Variants in GRK5 observed in about 807,000 individuals in gnomAD.
GRK5 encodes the protein g protein-coupled receptor kinase GRK5.
Under a neutral mutation model 78.4 loss-of-function variants are expected in GRK5, and 40 were observed. The ratio of observed to expected loss-of-function variants is 0.51; its 90% CI spans 0.40 to 0.66. The LOEUF is 0.66. Ranked by LOEUF, GRK5 falls within the 30% of genes least tolerant of loss-of-function variation. The pLI is 0.00. For synonymous variants in GRK5, 289 were observed against 296.8 expected, an observed-to-expected ratio of 0.97 and a Z score of 0.27; for missense variants, 598 against 759.9, an observed-to-expected ratio of 0.79 and a Z score of 2.50.
intron 11 of GRK5, 122 bp downstream of exon 11, chr10:119,442,210 G>C (rs1853051947): frequency 5.0e-6 from 4 of 798,324 alleles, no homozygotes; most frequent in Non-Finnish European, 8.4e-6. Context: ...ATCACACACA[G>C]AGTCACAGTC....
chr10:119,269,984 T>C (rs1374399838), intron 1 of GRK5, among the ~76,000 whole-genome samples: 1 of 152,126 alleles, frequency 6.6e-6, no homozygotes, highest in Non-Finnish European at 1.5e-5. Flanking sequence ...CTTTGTCTGC[T>C]CCTCCAGCCT....
intron 9 of GRK5, 48 bp from the exon 10 acceptor site, chr10:119,439,683 A>G (rs1589811481): frequency 1.2e-6 from 2 of 1,601,210 alleles, no homozygotes; most frequent in Non-Finnish European, 8.6e-7. Context: ...AGTGTATCCT[A>G]CCTGCCCAGA....
chr10:119,269,827 C>T (rs2133671444), intron 1 of GRK5, among the ~76,000 whole-genome samples: 1 of 126,350 alleles, frequency 7.9e-6, no homozygotes, highest in Admixed American at 8.2e-5. Flanking sequence ...AGTGAGACTC[C>T]ATCTTAAAAA....
chr10:119,271,322 A>G lies in GRK5; in HGVS notation c.53-55194A>G, dbSNP rs528111269. Among the ~76,000 whole-genome samples, 2 of 152,330 alleles carry G rather than the reference A, an allele frequency of 1.3e-5. No individual in the cohort carries two copies. Among genetic ancestry groups the G allele is most frequent in the Non-Finnish European group, 2.9e-5 (2 of 68,028 alleles). The stretch of plus-strand genomic sequence containing the variant: ...GCTGCCAACACAATCAAGGGTCTGC[A>G]GGTTTGGGAACTCCAAGGCAGTTTC... On this transcript the variant is annotated intron_variant, in intron 1 of 15. Coordinates refer to ENST00000392870, the MANE Select transcript of GRK5 (RefSeq NM_005308.3). The surrounding 1 kb of genome is among the most constrained non-coding windows in gnomAD (Gnocchi z 4.1).
intron 3 of GRK5, among the ~76,000 whole-genome samples, chr10:119,385,434 C>G (rs1851779129): frequency 1.3e-5 from 2 of 151,984 alleles, no homozygotes; most frequent in South Asian, 4.2e-4. Flanking sequence ...CCATCTGTGA[C>G]TTAGGTTTTT....
intron 1 of GRK5, among the ~76,000 whole-genome samples, chr10:119,223,397 G>T (rs1848687676): frequency 6.6e-6 from 1 of 152,172 alleles, no homozygotes; most frequent in South Asian, 2.1e-4. Flanking sequence ...CTGGAACACA[G>T]GCCCTGCCTG....
chr10:119,322,358 T>C (rs1409496368), intron 1 of GRK5, among the ~76,000 whole-genome samples: 1 of 152,218 alleles, frequency 6.6e-6, no homozygotes, highest in Non-Finnish European at 1.5e-5. Context: ...TAGCTGCCAG[T>C]AGCACCTCTC....
At chr10:119,295,903 TACTC>T (rs1379424934) in intron 1 of GRK5, among the ~76,000 whole-genome samples, 1 of 152,044 alleles carries the variant, frequency 6.6e-6, no homozygotes, top group African/African-American at 2.4e-5. Context: ...CTAAAGAACT[TACTC>T]ATACCACCTG....
chr10:119,320,319 G>A (rs1205521949), intron 1 of GRK5, among the ~76,000 whole-genome samples: 6 of 152,368 alleles, frequency 3.9e-5, no homozygotes, highest in African/African-American at 1.4e-4. Flanking sequence ...TCAGCACAGG[G>A]GAGACTGATG....
In GRK5 at chr10:119,336,804, G is replaced by C. The variant is rs1342451636; in HGVS notation, c.148+10193G>C. 1.3e-5 allele frequency among the ~76,000 whole-genome samples: 2 copies of C among 152,316 alleles called. No homozygotes were observed. Among genetic ancestry groups the C allele is most frequent in the East Asian group, 1.9e-4 (1 of 5,172 alleles). On this transcript the variant is annotated intron_variant, in intron 2 of 15. Transcript: ENST00000392870. The surrounding 1 kb of genome is among the most constrained non-coding windows in gnomAD (Gnocchi z 4.5). ...CGTGCTGTGATAAGGCACAGCATCT[G>C]CTTGTCCTTGGAGGGCGAAATAAAT...
chr10:119,443,483 T>G, intron 11 of GRK5, 61 bp from the exon 12 acceptor site: 11 of 1,479,272 alleles, frequency 7.4e-6, no homozygotes, highest in Non-Finnish European at 1.0e-5. Flanking sequence ...AGGCCTTCTG[T>G]GAGCAGCGCC....
chr10:119,397,652 C>CT (rs958731957), intron 4 of GRK5, among the ~76,000 whole-genome samples: 6 of 152,242 alleles, frequency 3.9e-5, no homozygotes, highest in African/African-American at 1.4e-4. Flanking sequence ...CCATCCCAGG[C>CT]TGCCAGTGGA....
chr10:119,304,901 C>T (rs1033776940), intron 1 of GRK5, among the ~76,000 whole-genome samples: 3 of 152,164 alleles, frequency 2.0e-5, no homozygotes, highest in Non-Finnish European at 4.4e-5. Context: ...CCTTCTGTCC[C>T]TCCCTCCCTT....
intron 1 of GRK5, among the ~76,000 whole-genome samples, chr10:119,320,658 T>A (rs1053314643): frequency 2.0e-5 from 3 of 152,142 alleles, no homozygotes; most frequent in Non-Finnish European, 2.9e-5. Flanking sequence ...AGGAAGAAGG[T>A]GCTCCTGGCA....
chr10:119,409,132 A>T (rs1032250708), intron 4 of GRK5, among the ~76,000 whole-genome samples: 2 of 152,176 alleles, frequency 1.3e-5, no homozygotes, highest in African/African-American at 4.8e-5. Context: ...CTGACCCCCA[A>T]CCTGGGCCTC....
At chr10:119,231,109 G>T (rs1232552825) in intron 1 of GRK5, among the ~76,000 whole-genome samples, 3 of 152,118 alleles carry the variant, frequency 2.0e-5, no homozygotes, top group Admixed American at 6.5e-5. Context: ...TGCAGCAAAA[G>T]AAACAATCAA....
At chr10:119,368,976 T>C (rs1202069113) in intron 2 of GRK5, among the ~76,000 whole-genome samples, 1 of 152,224 alleles carries the variant, frequency 6.6e-6, no homozygotes, top group African/African-American at 2.4e-5. Flanking sequence ...GCGTGTGGCC[T>C]CCCTGTCACA....
chr10:119,240,163 C>T (rs1848999465), intron 1 of GRK5, among the ~76,000 whole-genome samples: 2 of 148,548 alleles, frequency 1.3e-5, no homozygotes, highest in African/African-American at 5.0e-5. Context: ...TATTTCTCCA[C>T]ATCCTCTCCA....
intron 1 of GRK5, among the ~76,000 whole-genome samples, chr10:119,317,056 A>G (rs915262539): frequency 1.3e-5 from 2 of 152,142 alleles, no homozygotes; most frequent in African/African-American, 2.4e-5. Flanking sequence ...CTTAGAGACT[A>G]CCTCTCAGGA....
Sources: allele counts gnomAD v4.1 joint callset (sites outside exome capture counted in the v4.1 genomes callset), GRCh38; gene constraint gnomAD v4.1.1; non-coding constraint Gnocchi (gnomAD v3.1); transcripts MANE v1.5; gene names NCBI Gene and HGNC (gene_info 2026-07-23, HGNC 2026-07-21).